The following ZNF541 variants were observed in gnomAD, a reference collection of about 807,000 sequenced individuals.
ZNF541 encodes the protein zinc finger protein 541.
Under a neutral mutation model 123.5 loss-of-function variants are expected in ZNF541, and 23 were observed. The observed-to-expected ratio is 0.19, with a 90% CI of 0.13 to 0.26. The LOEUF is 0.26. Ranked by LOEUF, ZNF541 falls within the 10% of genes least tolerant of loss-of-function variation. The pLI is 1.00. For synonymous variants in ZNF541, 751 were observed against 754.5 expected (o/e 1.00, Z 0.08); for missense variants, 1,612 against 1,789.9 (o/e 0.90, Z 1.79).
At chr19:47,561,702 TTGTTTTC>T (rs1188028348) in intron 2 of ZNF541, among the ~76,000 whole-genome samples, 2 of 148,672 alleles carry the variant, frequency 1.3e-5, no homozygotes, top group Middle Eastern at 3.4e-3. Context: ...TTTTTGTTTT[TTGTTTTC>T]TGTTTTGTTT....
At chr19:47,567,912 C>T (rs1971329644) in intron 2 of ZNF541, among the ~76,000 whole-genome samples, 2 of 152,220 alleles carry the variant, frequency 1.3e-5, no homozygotes, top group South Asian at 4.1e-4. Flanking sequence ...ATTTCTCCCT[C>T]CTCTGAACCC....
rs147964491 is a variant in ZNF541, at chr19:47,555,581, G to A, written c.276C>T (p.Tyr92=). 1.4e-5 allele frequency: 21 copies of A among 1,549,682 alleles called. No homozygotes were observed. Among genetic ancestry groups the A allele is most frequent in the African/African-American group, 9.6e-5 (7 of 73,088 alleles). ...DSDSVKLLEE[Y]ADSESQASLQ... ...AGGATGCCTGAGACTCCGAATCTGC[G>A]TACTCCTCCAGCAGCTTCACAGAAT... Residue 92 remains tyrosine, a synonymous_variant, in exon 3 of 17, where the codon TAC becomes TAT. Coordinates refer to ENST00000391901, the MANE Select transcript of ZNF541 (RefSeq NM_001277075.3).
At chr19:47,558,466 G>A (rs1970919959) in intron 2 of ZNF541, among the ~76,000 whole-genome samples, 1 of 151,542 alleles carries the variant, frequency 6.6e-6, no homozygotes, top group South Asian at 2.1e-4. Flanking sequence ...ATAAACAACT[G>A]TATTCAGATA....
At chr19:47,540,062 C>T in intron 7 of ZNF541, 114 bp downstream of exon 7, 1 of 1,436,612 alleles carries the variant, frequency 7.0e-7, no homozygotes, top group Non-Finnish European at 9.2e-7. Flanking sequence ...CTGACTCCAG[C>T]CCCCGACCCA....
intron 2 of ZNF541, among the ~76,000 whole-genome samples, chr19:47,563,057 T>A (rs947165170): frequency 6.6e-6 from 1 of 152,228 alleles, no homozygotes; most frequent in Non-Finnish European, 1.5e-5. Flanking sequence ...GAACTTTTCA[T>A]GTTGATATGT....
At chr19:47,538,579 C>T in intron 8 of ZNF541, 140 bp from the exon 9 acceptor site, 1 of 895,222 alleles carries the variant, frequency 1.1e-6, no homozygotes, top group Non-Finnish European at 1.6e-6. Context: ...AGGAGGCTGG[C>T]CACACCTGAG....
chr19:47,547,185 T>C (rs1281183244), intron 4 of ZNF541, among the ~76,000 whole-genome samples: 2 of 152,158 alleles, frequency 1.3e-5, no homozygotes, highest in Non-Finnish European at 2.9e-5. Context: ...AGATGCTAAC[T>C]TGGGGACGAT....
At position 47,544,531 on chromosome 19, in the gene ZNF541, G is replaced by A; in HGVS notation, c.1998C>T (p.Asp666=). Residue 666 remains aspartate, a synonymous_variant, in exon 5 of 17, where the codon GAC becomes GAT. Coordinates refer to ENST00000391901, the MANE Select transcript of ZNF541 (RefSeq NM_001277075.3). ...AAGAGATGTCTGGATTCCTGGAAGGGTCCAGAGACGGTGCTGCAAGGGGCG... is the reference window on the plus strand; with the variant it reads ...AAGAGATGTCTGGATTCCTGGAAGGATCCAGAGACGGTGCTGCAAGGGGCG... The part of the protein sequence containing the change: ...VPTPLAAPSL[D]PSRNPDISSL... The A allele has an allele frequency of 6.4e-7, 1 of 1,551,598 alleles. No individual in the cohort carries two copies. Among genetic ancestry groups the A allele is most frequent in the East Asian group, 2.4e-5 (1 of 40,886 alleles).
chr19:47,550,126 TCTGTAATCCCGGCTATTTGGGAGG>T (rs1255104312), intron 3 of ZNF541, among the ~76,000 whole-genome samples: 2 of 151,838 alleles, frequency 1.3e-5, no homozygotes, highest in Non-Finnish European at 1.5e-5. Flanking sequence ...GTGGTGTGTG[TCTGTAATCCCGGCTATTTGGGAGG>T]CTGAGGCACG....
At chr19:47,529,864 A>C (rs1462121254) in intron 12 of ZNF541, among the ~76,000 whole-genome samples, 1 of 152,146 alleles carries the variant, frequency 6.6e-6, no homozygotes. Context: ...ATGCAGCTGA[A>C]GTTATTTTTT....
chr19:47,552,225 A>G (rs1326152961), intron 3 of ZNF541, among the ~76,000 whole-genome samples: 1 of 152,172 alleles, frequency 6.6e-6, no homozygotes, highest in Non-Finnish European at 1.5e-5. Flanking sequence ...CAAGAATTCA[A>G]TGGGCCAGGG....
At chr19:47,568,715 C>CA (rs1428205171) in intron 2 of ZNF541, among the ~76,000 whole-genome samples, 1 of 152,162 alleles carries the variant, frequency 6.6e-6, no homozygotes, top group Non-Finnish European at 1.5e-5. Flanking sequence ...CTCTGTCACT[C>CA]AGGCTGGAGT....
At position 47,545,687 on chromosome 19, in the gene ZNF541, C is replaced by T. The variant is rs1970318598; in HGVS notation, c.842G>A (p.Ser281Asn). ...AGAAGGGGTCTTCTGGTGGACGATGCTACTCACGATGCGGCGCAGGAGGTC... is the reference window on the plus strand; with the variant it reads ...AGAAGGGGTCTTCTGGTGGACGATGTTACTCACGATGCGGCGCAGGAGGTC... ...HRDLLRRIVSSIVHQKTPSPG... is the reference protein window; with the variant it reads ...HRDLLRRIVSNIVHQKTPSPG... The change falls in exon 5 of 17, where the codon AGC (serine) becomes AAC (asparagine). Residue 281 changes from serine (S) to asparagine (N), a missense_variant. This residue lies in a region of ZNF541 where 1,080 missense variants were observed against 1,013.8 expected (regional missense o/e 1.07). Coordinates refer to ENST00000391901, the MANE Select transcript of ZNF541 (RefSeq NM_001277075.3). The surrounding 1 kb of genome is among the most constrained non-coding windows in gnomAD (Gnocchi z 7.5). The T allele has an allele frequency of 6.5e-7, 1 of 1,548,248 alleles. No homozygotes were observed. Among genetic ancestry groups the T allele is most frequent in the African/African-American group, 1.4e-5 (1 of 72,990 alleles).
rs1216219410 is a variant in ZNF541 at position 47,521,891 on chromosome 19, T to C, written c.3674A>G (p.Lys1225Arg). Residue 1225 changes from lysine to arginine, a missense_variant, in exon 15 of 17, where the codon AAG (lysine) becomes AGG (arginine). Coordinates refer to ENST00000391901, the MANE Select transcript of ZNF541 (RefSeq NM_001277075.3). The surrounding 1 kb of genome is among the most constrained non-coding windows in gnomAD (Gnocchi z 4.2). ...GRAPGLEKRV[K>R]REPEEVERTE... ...CCTTTCCACTTCCTCCGGCTCTCTC[T>C]TGACCCTCTTTTCTAGCCCTGGGGC... 1 of 1,551,866 alleles carries C rather than the reference T, an allele frequency of 6.4e-7. No homozygotes were observed. The highest frequency in any genetic ancestry group is 2.4e-5 in the East Asian group (1 of 40,926).
In ZNF541 at chr19:47,557,985, T is replaced by C. The variant is rs747556790; in HGVS notation, c.-98-2031A>G. Reference sequence around the variant, plus strand: ...CTAGTAGAATTTATTCCCCCCAAAATGGGCAGGGGGAGTGGGGCAGCAGAG... The same window carrying C: ...CTAGTAGAATTTATTCCCCCCAAAACGGGCAGGGGGAGTGGGGCAGCAGAG... On this transcript the variant is annotated intron_variant, in intron 2 of 16. Coordinates refer to ENST00000391901, the MANE Select transcript of ZNF541 (RefSeq NM_001277075.3). Among the ~76,000 whole-genome samples the C allele has an allele frequency of 4.0e-5, 6 of 149,878 alleles. No individual in the cohort carries two copies. The South Asian group carries it at 6.3e-4, about 16-fold the overall frequency.
rs550491652 is a variant in ZNF541, at chr19:47,546,709, A to T, written c.549-729T>A. Among the ~76,000 whole-genome samples the T allele has an allele frequency of 2.0e-5, 3 of 152,212 alleles. 1 individual carries two copies. The South Asian group carries it at 6.2e-4, about 32-fold the overall frequency. On this transcript the variant is annotated intron_variant, in intron 4 of 16. Coordinates refer to ENST00000391901, the MANE Select transcript of ZNF541 (RefSeq NM_001277075.3). ...TCCTTGGAGGTTCACGATGCACAGT[A>T]GCAAATTTAATTAATTAATTTTTTG...
intron 2 of ZNF541, among the ~76,000 whole-genome samples, chr19:47,570,167 G>A (rs767651704): frequency 2.0e-5 from 3 of 151,730 alleles, no homozygotes; most frequent in South Asian, 2.1e-4. Context: ...CCAGCTACTC[G>A]GGAGGCTGAG....
rs1041242290 is a variant in ZNF541, at chr19:47,573,095, G to A, written c.-258C>T. Among the ~76,000 whole-genome samples the A allele has an allele frequency of 1.3e-5, 2 of 150,300 alleles. No individual in the cohort carries two copies. The highest frequency in any genetic ancestry group is 2.4e-5 in the African/African-American group (1 of 41,222). On this transcript the variant is annotated 5_prime_UTR_variant, in exon 1 of 17. Coordinates refer to ENST00000391901, the MANE Select transcript of ZNF541 (RefSeq NM_001277075.3). ...AACCGGGTTTTACCCGCCCCCGGGGGCTCGCGCGCCGGGCCTCGCGCCTGG... is the reference window on the plus strand; with the variant it reads ...AACCGGGTTTTACCCGCCCCCGGGGACTCGCGCGCCGGGCCTCGCGCCTGG...
chr19:47,547,869 G>C (rs186061245), intron 4 of ZNF541, among the ~76,000 whole-genome samples: 261 of 151,494 alleles, frequency 1.7e-3, no homozygotes, highest in Non-Finnish European at 2.8e-3. Context: ...GAGAAATCCT[G>C]TCTCTACTAA....
Sources: gnomAD v4.1 joint callset for allele counts (sites outside exome capture counted in the v4.1 genomes callset) on GRCh38, gnomAD v4.1.1 for gene constraint, gnomAD v4.1.1 regional missense constraint, Gnocchi (gnomAD v3.1) non-coding constraint, MANE v1.5 for transcripts, NCBI Gene and HGNC (gene_info 2026-07-23, HGNC 2026-07-21) for gene names.